TTF1: variants seen among roughly 807,000 people sequenced by gnomAD.
TTF1 encodes the protein transcription termination factor, RNA polymerase I.
Under a neutral mutation model 80.2 loss-of-function variants are expected in TTF1, and 64 were observed. The observed-to-expected ratio is 0.80, with a 90% confidence interval of 0.65 to 0.98. The LOEUF (loss-of-function observed/expected upper bound fraction) is 0.98. Ranked by LOEUF, TTF1 falls within the 50% of genes least tolerant of loss-of-function variation. The pLI is 0.00. For missense variants in TTF1, 1,023 were observed against 1,086.2 expected (o/e 0.94, Z 0.82); for synonymous variants, 372 against 382.7 (o/e 0.97, Z 0.33).
intron 10 of TTF1, among the ~76,000 whole-genome samples, chr9:132,377,421 C>T (rs1445572519): frequency 1.5e-5 from 1 of 67,676 alleles, no homozygotes; most frequent in African/African-American, 6.8e-5. Context: ...TGTGTGAGTG[C>T]ATGCATGTGG....
At position 132,402,202 on chromosome 9, in the gene TTF1, A is replaced by T; in HGVS notation, c.620T>A (p.Ile207Asn). ...ATGAGCAGATGCTGGTAGTTCTGTAATTTCACCCCCTGGACCCACAGAAAG... is the reference window on the plus strand; with the variant it reads ...ATGAGCAGATGCTGGTAGTTCTGTATTTTCACCCCCTGGACCCACAGAAAG... ...SWLSVGPGGE[I>N]TELPASAHKN... The change falls in exon 2 of 11, where the codon ATT becomes AAT. Residue 207 changes from isoleucine (I) to asparagine (N), a missense_variant. Ile to Asn is a moderately radical substitution (Grantham distance 149, BLOSUM62 -3). Coordinates refer to ENST00000334270, the MANE Select transcript of TTF1 (RefSeq NM_007344.4). 1.2e-6 allele frequency: 2 copies of T among 1,613,932 alleles called. No homozygotes were observed. Among genetic ancestry groups the T allele is most frequent in the Non-Finnish European group, 1.7e-6 (2 of 1,179,984 alleles).
intron 7 of TTF1, among the ~76,000 whole-genome samples, chr9:132,390,374 A>G (rs990904511): frequency 1.3e-5 from 2 of 152,226 alleles, no homozygotes; most frequent in African/African-American, 4.8e-5. Flanking sequence ...AGTTTTAAAA[A>G]GGTTCAAGTT....
chr9:132,395,113 AC>A, intron 5 of TTF1, among the ~76,000 whole-genome samples: 1 of 151,940 alleles, frequency 6.6e-6, no homozygotes, highest in East Asian at 1.9e-4. Context: ...AATTGCTTGA[AC>A]CTGGGAGGCG....
rs143908562 is a variant in TTF1, at chr9:132,381,216, T to C, written c.2379-2072A>G. Among the ~76,000 whole-genome samples, 1,297 of 151,628 alleles carry C rather than the reference T, an allele frequency of 8.6e-3. 18 individuals are homozygous for C. The highest frequency in any genetic ancestry group is 0.03 in the African/African-American group (1,222 of 41,304). ...AGCTGAATTTTTTTTTTTTTTGAGA[T>C]GGAGTCTGGCTCTGTGGCCCAGGCT... On this transcript the variant is annotated intron_variant, in intron 9 of 10. Transcript: ENST00000334270.
chr9:132,404,296 TA>T (rs1849821991), intron 1 of TTF1, among the ~76,000 whole-genome samples: 1 of 152,192 alleles, frequency 6.6e-6, no homozygotes, highest in Non-Finnish European at 1.5e-5. Flanking sequence ...AGAAGCTACC[TA>T]ATTTATCCGG....
intron 9 of TTF1, among the ~76,000 whole-genome samples, chr9:132,383,754 C>A (rs1192803180): frequency 1.3e-5 from 2 of 152,186 alleles, no homozygotes; most frequent in African/African-American, 2.4e-5. Flanking sequence ...CACATTGCAG[C>A]TTTCCTGTTC....
intron 10 of TTF1, among the ~76,000 whole-genome samples, 185 bp downstream of exon 10, chr9:132,378,874 G>A (rs1849315571): frequency 1.3e-5 from 2 of 152,012 alleles, no homozygotes; most frequent in African/African-American, 2.4e-5. Flanking sequence ...CACCCTACAC[G>A]TTCATGCTTC....
Position 132,402,331 on chromosome 9 carries a change from C to G in TTF1, c.491G>C (p.Arg164Thr). Reference protein sequence around the residue: ...HKSEALHSKVREKKNKKHQRK... With the variant: ...HKSEALHSKVTEKKNKKHQRK... ...CTGATGCTTTTTATTCTTTTTCTCC[C>G]TAACTTTACTGTGCAGGGCTTCTGA... The change falls in exon 2 of 11, where the codon AGG becomes ACG. Residue 164 changes from arginine to threonine, a missense_variant. Transcript: ENST00000334270. The G allele has an allele frequency of 6.2e-7, 1 of 1,614,114 alleles. No homozygotes were observed. The highest frequency in any genetic ancestry group is 8.5e-7 in the Non-Finnish European group (1 of 1,180,012).
At chr9:132,380,417 A>G (rs1397926664) in intron 9 of TTF1, among the ~76,000 whole-genome samples, 6 of 152,122 alleles carry the variant, frequency 3.9e-5, no homozygotes, top group Non-Finnish European at 8.8e-5. Flanking sequence ...CTATTAAACC[A>G]TAATGCAGAT....
chr9:132,383,376 T>C (rs1001146132), intron 9 of TTF1, among the ~76,000 whole-genome samples: 25 of 152,188 alleles, frequency 1.6e-4, no homozygotes, highest in African/African-American at 6.0e-4. Context: ...GGGTGTACTA[T>C]ATCAATGTGA....
At chr9:132,403,665 G>A (rs1419904542) in intron 1 of TTF1, among the ~76,000 whole-genome samples, 1 of 146,452 alleles carries the variant, frequency 6.8e-6, no homozygotes, top group Non-Finnish European at 1.5e-5. Flanking sequence ...TGTCTTCTCT[G>A]CTTTAAAAAA....
Position 132,402,726 on chromosome 9 carries a change from A to C in TTF1, c.96T>G (p.His32Gln), listed in dbSNP as rs753823482. The C allele has an allele frequency of 1.2e-6, 2 of 1,614,058 alleles. No homozygotes were observed. Among genetic ancestry groups the C allele is most frequent in the South Asian group, 1.1e-5 (1 of 91,048 alleles). ...AGGAGTCTCTGAAAATTTCGTGGGA[A>C]TGTTTCTGAGGTCTTTCCTTATGTA... ...CSIHKERPQKHSHEIFRDSSL... is the reference protein window; with the variant it reads ...CSIHKERPQKQSHEIFRDSSL... The change falls in exon 2 of 11, where the codon CAT (histidine) becomes CAG (glutamine). Residue 32 changes from histidine to glutamine, a missense_variant. Physicochemically the swap from His to Gln is conservative, Grantham distance 24 (BLOSUM62 0). Transcript: ENST00000334270.
intron 1 of TTF1, among the ~76,000 whole-genome samples, chr9:132,403,782 G>A (rs1049037745): frequency 1.3e-5 from 2 of 152,200 alleles, no homozygotes; most frequent in Non-Finnish European, 2.9e-5. Context: ...TCGAGTGCAG[G>A]ATCCACAAAA....
Position 132,402,757 on chromosome 9 carries a change from C to A in TTF1, c.65G>T (p.Cys22Phe). The change falls in exon 2 of 11, where the codon TGT becomes TTT. Residue 22 changes from cysteine (C) to phenylalanine (F), a missense_variant. Physicochemically the swap from Cys to Phe is radical, Grantham distance 205 (BLOSUM62 -2). Transcript: ENST00000334270. ...CTGAGGTCTTTCCTTATGTATAGAA[C>A]ACTTTTTCTTTTTCTTGTCAGAAAC... is the stretch of plus-strand genomic sequence containing the variant. ...TPVSDKKKKK[C>F]SIHKERPQKH... 1 of 1,606,222 alleles carries A rather than the reference C, an allele frequency of 6.2e-7. No homozygotes were observed. Among genetic ancestry groups the A allele is most frequent in the Non-Finnish European group, 8.5e-7 (1 of 1,178,148 alleles).
chr9:132,382,761 C>CAAAAAAAAAAAAAAAAA (rs55904518), intron 9 of TTF1, among the ~76,000 whole-genome samples: 3 of 137,020 alleles, frequency 2.2e-5, no homozygotes, highest in Non-Finnish European at 3.1e-5. Flanking sequence ...ACTAAAAATA[C>CAAAAAAAAAAAAAAAAA]AAAAAAAAAA....
At chr9:132,388,341 TC>T in intron 7 of TTF1, 113 bp from the exon 8 acceptor site, 3 of 689,696 alleles carry the variant, frequency 4.3e-6, no homozygotes, top group Admixed American at 3.2e-5. Flanking sequence ...TTCTAACTTT[TC>T]TTTTTTTTTT....
intron 9 of TTF1, among the ~76,000 whole-genome samples, chr9:132,382,761 C>CAA (rs55904518): frequency 7.3e-6 from 1 of 136,934 alleles, no homozygotes; most frequent in African/African-American, 2.8e-5. Context: ...ACTAAAAATA[C>CAA]AAAAAAAAAA....
intron 7 of TTF1, among the ~76,000 whole-genome samples, chr9:132,390,078 C>T (rs557145930): frequency 5.9e-5 from 9 of 152,094 alleles, no homozygotes; most frequent in African/African-American, 1.4e-4. Flanking sequence ...TGGGTTCAAG[C>T]GATTCTCCTG....
chr9:132,393,024 T>C (rs546638626), intron 5 of TTF1, among the ~76,000 whole-genome samples: 73 of 152,296 alleles, frequency 4.8e-4, no homozygotes, highest in East Asian at 3.1e-3. Flanking sequence ...ACATTTCAAA[T>C]GTTCCACAGG....
Sources: allele counts gnomAD v4.1 joint callset (sites outside exome capture counted in the v4.1 genomes callset), GRCh38; gene constraint gnomAD v4.1.1; transcripts MANE v1.5; gene names NCBI Gene and HGNC (gene_info 2026-07-23, HGNC 2026-07-21).